Variants in CASD1 observed in about 807,000 individuals in gnomAD.
The protein encoded by CASD1 is CAS1 domain sialic acid O acetyltransferase 1.
In CASD1, 41 loss-of-function variants were observed where a neutral mutation model predicts 100.0. The ratio of observed to expected loss-of-function variants is 0.41; its 90% CI spans 0.32 to 0.53. The LOEUF (loss-of-function observed/expected upper bound fraction) is 0.53, where lower values mean the gene tolerates loss of function less well. Ranked by LOEUF, CASD1 falls within the 20% of genes least tolerant of loss-of-function variation. The pLI is 0.25. For missense variants in CASD1, 774 were observed against 948.7 expected (o/e 0.82, Z 2.42); for synonymous variants, 321 against 315.6 (o/e 1.02, Z -0.18).
the CASD1 span, chr7:94,598,622 G>A: frequency 2.9e-6 from 2 of 694,568 alleles, no homozygotes; most frequent in Non-Finnish European, 5.2e-6. Context: ...GTATATTTCA[G>A]GAGAGTAGGG....
intron 16 of CASD1, 148 bp from the exon 17 acceptor site, chr7:94,554,335 T>A (rs917329942): frequency 3.3e-5 from 18 of 550,988 alleles, no homozygotes; most frequent in African/African-American, 7.6e-5. Flanking sequence ...AAAATAACTT[T>A]CTAATACTTT....
intron 1 of CASD1, among the ~76,000 whole-genome samples, chr7:94,511,887 A>T (rs1432080834): frequency 6.6e-6 from 1 of 152,170 alleles, no homozygotes; most frequent in African/African-American, 2.4e-5. Context: ...GGGACTTATG[A>T]GTCAGTGTAG....
chr7:94,547,823 G>T (rs1795753015), intron 13 of CASD1, among the ~76,000 whole-genome samples: 2 of 151,728 alleles, frequency 1.3e-5, no homozygotes, highest in South Asian at 4.1e-4. Context: ...GCCTGTAGTT[G>T]TGTCATATTC....
the CASD1 span, among the ~76,000 whole-genome samples, chr7:94,576,030 G>T: frequency 6.6e-6 from 1 of 152,088 alleles, no homozygotes; most frequent in East Asian, 1.9e-4. Flanking sequence ...AAAAGTTTTG[G>T]AAGTTTTGGC....
chr7:94,615,132 G>A, the CASD1 span, among the ~76,000 whole-genome samples: 3 of 152,142 alleles, frequency 2.0e-5, no homozygotes, highest in Non-Finnish European at 4.4e-5. Context: ...AGGCCAAGGC[G>A]GGTGGATCAT....
chr7:94,609,741 A>G, the CASD1 span, among the ~76,000 whole-genome samples: 1 of 152,238 alleles, frequency 6.6e-6, no homozygotes, highest in Admixed American at 6.5e-5. Flanking sequence ...AGCAACAGCA[A>G]CTTTTATTCA....
At chr7:94,613,478 C>G in the CASD1 span, among the ~76,000 whole-genome samples, 2 of 152,048 alleles carry the variant, frequency 1.3e-5, no homozygotes, top group South Asian at 2.1e-4. Context: ...GTATAAGGCT[C>G]TCAATGAATG....
the CASD1 span, chr7:94,587,688 TTTAA>T: frequency 1.3e-6 from 2 of 1,531,346 alleles, no homozygotes; most frequent in Admixed American, 2.2e-5. Flanking sequence ...CATGTTAGCA[TTTAA>T]TTAAAGCAAG....
intron 3 of CASD1, among the ~76,000 whole-genome samples, chr7:94,521,695 G>A (rs536610221): frequency 1.5e-4 from 23 of 152,064 alleles, no homozygotes; most frequent in Non-Finnish European, 2.1e-4. Context: ...ATATACATAC[G>A]CACACACAAT....
At chr7:94,518,617 G>A (rs1476416807) in intron 3 of CASD1, among the ~76,000 whole-genome samples, 3 of 152,020 alleles carry the variant, frequency 2.0e-5, no homozygotes, top group African/African-American at 7.2e-5. Flanking sequence ...AAGACAAAGA[G>A]AAAATATCAC....
the CASD1 span, among the ~76,000 whole-genome samples, chr7:94,582,412 T>C: frequency 6.6e-6 from 1 of 152,182 alleles, no homozygotes; most frequent in South Asian, 2.1e-4. Flanking sequence ...CGTGAGCCAC[T>C]GCACCTGGCC....
chr7:94,605,684 G>A, the CASD1 span, among the ~76,000 whole-genome samples: 1 of 152,142 alleles, frequency 6.6e-6, no homozygotes, highest in South Asian at 2.1e-4. Context: ...TACAACTGAT[G>A]TGTTAAAAGA....
chr7:94,518,274 ATTC>A lies in CASD1; in HGVS notation c.305_307del (p.Ser102del). 1.3e-6 allele frequency: 2 copies of A among 1,580,508 alleles called. No individual in the cohort carries two copies. Among genetic ancestry groups the A allele is most frequent in the Non-Finnish European group, 1.7e-6 (2 of 1,164,076 alleles). On this transcript the variant is annotated inframe_deletion, in exon 3 of 18. Coordinates refer to ENST00000297273, the MANE Select transcript of CASD1 (RefSeq NM_022900.5). Reference sequence around the variant, plus strand: ...GATTCCAGAATTCGTCAATTGTTTTATTCTTTTGTAAAAATAATTAATCCCCAA... The same window carrying A: ...GATTCCAGAATTCGTCAATTGTTTTATTTTGTAAAAATAATTAATCCCCAA...
chr7:94,542,087 C>G (rs1172069920), intron 10 of CASD1, among the ~76,000 whole-genome samples: 1 of 152,206 alleles, frequency 6.6e-6, no homozygotes, highest in Non-Finnish European at 1.5e-5. Flanking sequence ...ATTATACTTA[C>G]TGTTTAAATG....
the CASD1 span, chr7:94,629,623 A>G: frequency 9.1e-7 from 1 of 1,098,842 alleles, no homozygotes; most frequent in Non-Finnish European, 1.4e-6. Flanking sequence ...CATTTGAAAT[A>G]ATGTTAATGA....
the CASD1 span, among the ~76,000 whole-genome samples, chr7:94,601,339 CG>C: frequency 6.7e-6 from 1 of 148,784 alleles, no homozygotes; most frequent in South Asian, 2.1e-4. Flanking sequence ...CCAAACGTGT[CG>C]TCCTTGATCT....
chr7:94,622,181 T>G, the CASD1 span: 1 of 152,226 alleles, frequency 6.6e-6, no homozygotes, highest in Admixed American at 6.5e-5. Flanking sequence ...TCATTTGTTT[T>G]TAGTTGCACT....
intron 17 of CASD1, among the ~76,000 whole-genome samples, chr7:94,554,913 G>C (rs934919792): frequency 2.0e-5 from 3 of 151,830 alleles, no homozygotes; most frequent in Admixed American, 2.0e-4. Context: ...CAAACTGAGG[G>C]GATTTTGATT....
chr7:94,523,700 C>T (rs1045935985), intron 3 of CASD1, among the ~76,000 whole-genome samples: 6 of 151,972 alleles, frequency 3.9e-5, no homozygotes, highest in African/African-American at 1.2e-4. Flanking sequence ...GCAACTTTAC[C>T]GATGGATTCT....
Sources: allele counts gnomAD v4.1 joint callset (sites outside exome capture counted in the v4.1 genomes callset), GRCh38; gene constraint gnomAD v4.1.1; transcripts MANE v1.5; gene names NCBI Gene and HGNC (gene_info 2026-07-23, HGNC 2026-07-21).